The following RERE variants were observed in gnomAD, a reference collection of about 807,000 sequenced individuals.
RERE encodes arginine-glutamic acid dipeptide repeats protein.
In RERE, 40 loss-of-function variants were observed where a neutral mutation model predicts 146.1. The observed-to-expected ratio is 0.27, with a 90% CI of 0.21 to 0.36. The LOEUF is 0.36. Among genes scored for constraint, RERE ranks in the 10% least tolerant of loss-of-function variants. The probability of loss-of-function intolerance (pLI) is 1.00; values close to 1 mark genes in which losing one functional copy is unlikely to be tolerated. For missense variants in RERE, 1,933 were observed against 2,138.7 expected, an observed-to-expected ratio of 0.90 and a Z score of 1.90; for synonymous variants, 1,003 against 866.0, an observed-to-expected ratio of 1.16 and a Z score of -2.78.
At chr1:8,562,322 T>C (rs535055629) in intron 4 of RERE, among the ~76,000 whole-genome samples, 13 of 152,176 alleles carry the variant, frequency 8.5e-5, no homozygotes, top group Non-Finnish European at 1.9e-4. Context: ...ACCAATATAA[T>C]TTAACAATGG....
intron 1 of RERE, among the ~76,000 whole-genome samples, chr1:8,742,573 C>T (rs934759756): frequency 6.6e-6 from 1 of 152,166 alleles, no homozygotes; most frequent in Non-Finnish European, 1.5e-5. Flanking sequence ...GCGATCCCAG[C>T]GCTTTGGGAG....
At chr1:8,766,754 A>C (rs1640857564) in intron 1 of RERE, among the ~76,000 whole-genome samples, 1 of 152,062 alleles carries the variant, frequency 6.6e-6, no homozygotes, top group African/African-American at 2.4e-5. Context: ...AAAACACAGA[A>C]AGACATGTTT....
At chr1:8,500,449 T>C (rs1483016170) in intron 8 of RERE, among the ~76,000 whole-genome samples, 3 of 152,202 alleles carry the variant, frequency 2.0e-5, no homozygotes, top group African/African-American at 4.8e-5. Context: ...TGACCGCGAG[T>C]GATCCGCCAG....
chr1:8,647,573 A>C (rs1037752066), intron 2 of RERE, among the ~76,000 whole-genome samples: 29 of 152,066 alleles, frequency 1.9e-4, no homozygotes, highest in African/African-American at 7.0e-4. Context: ...TTAATACCTA[A>C]AATTCTTCTA....
intron 11 of RERE, among the ~76,000 whole-genome samples, chr1:8,450,393 C>A (rs1442657372): frequency 6.6e-6 from 1 of 151,724 alleles, no homozygotes; most frequent in Non-Finnish European, 1.5e-5. Flanking sequence ...CGTGTGGAGG[C>A]AACGCTCACC....
intron 2 of RERE, among the ~76,000 whole-genome samples, chr1:8,640,671 T>C (rs2124282312): frequency 6.6e-6 from 1 of 152,310 alleles, no homozygotes; most frequent in Admixed American, 6.5e-5. Context: ...GGATATTTAA[T>C]GCATATATAA....
rs140206265 is a variant in RERE at position 8,594,265 on chromosome 1, G to C, written c.522+20296C>G. Among the ~76,000 whole-genome samples the C allele has an allele frequency of 4.7e-4, 71 of 152,264 alleles. 1 individual carries two copies. The highest frequency in any genetic ancestry group is 1.7e-3 in the African/African-American group (69 of 41,548). On this transcript the variant is annotated intron_variant, in intron 4 of 22. Transcript: ENST00000400908. Reference sequence around the variant, plus strand: ...AGACCCGCAAACAAAAGCCAGCTAGGTACCCTTTCCAAAACAACTCACCTC... The same window carrying C: ...AGACCCGCAAACAAAAGCCAGCTAGCTACCCTTTCCAAAACAACTCACCTC...
chr1:8,441,416 C>T (rs1054675215), intron 11 of RERE, among the ~76,000 whole-genome samples: 7 of 152,192 alleles, frequency 4.6e-5, no homozygotes, highest in African/African-American at 1.4e-4. Context: ...TCCTCTCCCC[C>T]GCTCCCATCT....
intron 9 of RERE, among the ~76,000 whole-genome samples, chr1:8,496,864 T>C (rs980234456): frequency 6.6e-6 from 1 of 152,184 alleles, no homozygotes; most frequent in African/African-American, 2.4e-5. Flanking sequence ...ATGAAATCTG[T>C]AGAGGGTTTT....
intron 4 of RERE, among the ~76,000 whole-genome samples, chr1:8,610,398 G>T (rs1418223881): frequency 1.3e-5 from 2 of 151,866 alleles, no homozygotes; most frequent in Non-Finnish European, 2.9e-5. Context: ...AGACCAGCCT[G>T]GCCAACATAG....
At position 8,364,376 on chromosome 1, in the gene RERE, C is replaced by A; in HGVS notation, c.1541-121G>T. 1 of 872,702 alleles carries A rather than the reference C, an allele frequency of 1.1e-6. No individual in the cohort carries two copies. The highest frequency in any genetic ancestry group is 2.5e-5 in the East Asian group (1 of 39,856). 54.1% of individuals were successfully genotyped at this position (872,702 alleles called of 1,614,324 possible). ...CTGATGCCACCAGCACCATGCAGCCCTGGGCCCCAACACCCCAGGGCTAGT... is the reference window on the plus strand; with the variant it reads ...CTGATGCCACCAGCACCATGCAGCCATGGGCCCCAACACCCCAGGGCTAGT... On this transcript the variant is annotated intron_variant, in intron 14 of 22. Transcript: ENST00000400908. The surrounding 1 kb of genome is among the most constrained non-coding windows in gnomAD (Gnocchi z 5.1).
At chr1:8,454,834 AAAC>A (rs1049502861) in intron 11 of RERE, among the ~76,000 whole-genome samples, 4 of 151,588 alleles carry the variant, frequency 2.6e-5, no homozygotes, top group Admixed American at 6.6e-5. Flanking sequence ...CAACAAAAAA[AAAC>A]CCCCACAAAA....
chr1:8,741,373 T>G (rs1344244868), intron 1 of RERE, among the ~76,000 whole-genome samples: 2 of 152,238 alleles, frequency 1.3e-5, no homozygotes, highest in Non-Finnish European at 2.9e-5. Flanking sequence ...GGATGTTGAA[T>G]GAAGGGGGGT....
intron 1 of RERE, among the ~76,000 whole-genome samples, chr1:8,677,032 CCT>C (rs144600145): frequency 0.026 from 3,930 of 152,264 alleles, 153 homozygotes; most frequent in African/African-American, 0.089. Context: ...CTACAGATCC[CCT>C]GTGCTTGAGC....
chr1:8,777,603 C>T (rs1354215669), intron 1 of RERE, among the ~76,000 whole-genome samples: 14 of 148,532 alleles, frequency 9.4e-5, no homozygotes, highest in African/African-American at 3.0e-4. Flanking sequence ...GGCACAATCT[C>T]GGCTCACTAC....
chr1:8,643,458 T>C (rs1199872008), intron 2 of RERE, among the ~76,000 whole-genome samples: 10 of 152,174 alleles, frequency 6.6e-5, no homozygotes, highest in Non-Finnish European at 1.5e-4. Flanking sequence ...AGACCACATA[T>C]TCAGCAAAAA....
intron 1 of RERE, among the ~76,000 whole-genome samples, chr1:8,794,752 T>TA (rs1050895545): frequency 5.3e-4 from 78 of 145,884 alleles, no homozygotes; most frequent in South Asian, 1.9e-3. Flanking sequence ...ACAAAACAAA[T>TA]AAAAAAAAAA....
At chr1:8,377,237 C>T (rs925957836) in intron 12 of RERE, among the ~76,000 whole-genome samples, 1 of 152,246 alleles carries the variant, frequency 6.6e-6, no homozygotes, top group African/African-American at 2.4e-5. Context: ...AGTTCCAACA[C>T]AATTTCACTT....
chr1:8,682,672 C>T (rs989878450), intron 1 of RERE, among the ~76,000 whole-genome samples: 6 of 152,202 alleles, frequency 3.9e-5, no homozygotes, highest in Admixed American at 1.3e-4. Flanking sequence ...TACTAATTCA[C>T]GAACTTCTCT....
Sources: gnomAD v4.1 joint callset for allele counts (sites outside exome capture counted in the v4.1 genomes callset) on GRCh38, gnomAD v4.1.1 for gene constraint, Gnocchi (gnomAD v3.1) non-coding constraint, MANE v1.5 for transcripts, NCBI Gene and HGNC (gene_info 2026-07-23, HGNC 2026-07-21) for gene names.